Variants in KCNQ3 observed in about 807,000 individuals in gnomAD.
KCNQ3 encodes potassium voltage-gated channel subfamily Q member 3.
In KCNQ3, 30 loss-of-function variants were observed where a neutral mutation model predicts 92.5. The observed-to-expected ratio is 0.32, with a 90% CI of 0.24 to 0.44. KCNQ3 has a LOEUF of 0.44. KCNQ3 is among the 20% of genes least tolerant of loss of function. The pLI is 1.00. For missense variants in KCNQ3, 913 were observed against 1,140.3 expected (o/e 0.80, Z 2.87); for synonymous variants, 450 against 468.8 (o/e 0.96, Z 0.52).
intron 1 of KCNQ3, among the ~76,000 whole-genome samples, chr8:132,342,436 A>G (rs1389380783): frequency 6.6e-6 from 1 of 152,156 alleles, no homozygotes; most frequent in Non-Finnish European, 1.5e-5. Flanking sequence ...TAAGTAAGGT[A>G]AAGGTGGCCA....
intron 1 of KCNQ3, among the ~76,000 whole-genome samples, chr8:132,313,101 C>T (rs1563854354): frequency 6.6e-6 from 1 of 152,182 alleles, no homozygotes; most frequent in African/African-American, 2.4e-5. Context: ...ATCCACGTAA[C>T]CCTGCCTGTT....
intron 1 of KCNQ3, among the ~76,000 whole-genome samples, chr8:132,463,550 AAT>A (rs1822107730): frequency 6.6e-6 from 1 of 152,196 alleles, no homozygotes; most frequent in Non-Finnish European, 1.5e-5. Context: ...TTAGACCTCT[AAT>A]ATGATTGCAA....
In KCNQ3 at chr8:132,122,456, T is replaced by C. The variant is rs1471868778; in HGVS notation, c.*6806A>G. The C allele has an allele frequency of 2.0e-5, 3 of 152,246 alleles. No homozygotes were observed. The highest frequency in any genetic ancestry group is 7.2e-5 in the African/African-American group (3 of 41,460). The allele number at this position is 152,246 out of a possible 1,614,324, so 9.4% of individuals were successfully genotyped here. A position where few individuals can be genotyped will look rare whatever the true frequency, so the allele number is the denominator to read the frequency against. ...CGACAAGTCTAAGAGGAATTACAAA[T>C]ACATTCCTGAGCACTGAGCTGGGCT... On this transcript the variant is annotated 3_prime_UTR_variant, in exon 15 of 15. Transcript: ENST00000388996.
intron 1 of KCNQ3, among the ~76,000 whole-genome samples, chr8:132,453,108 C>T (rs974413663): frequency 3.3e-5 from 5 of 152,094 alleles, no homozygotes; most frequent in Non-Finnish European, 5.9e-5. Context: ...AGCAAAGGCC[C>T]CCAGGGGAGG....
intron 1 of KCNQ3, among the ~76,000 whole-genome samples, chr8:132,302,433 A>T (rs927636264): frequency 1.2e-4 from 19 of 152,158 alleles, no homozygotes; most frequent in African/African-American, 4.3e-4. Context: ...CTCTCAAAAC[A>T]ACACTTTACT....
chr8:132,427,984 G>C (rs980641136), intron 1 of KCNQ3, among the ~76,000 whole-genome samples: 1 of 152,046 alleles, frequency 6.6e-6, no homozygotes, highest in East Asian at 1.9e-4. Context: ...TTATGCCTTC[G>C]CCTGCAGATG....
chr8:132,387,613 T>C (rs1349374597), intron 1 of KCNQ3, among the ~76,000 whole-genome samples: 1 of 152,106 alleles, frequency 6.6e-6, no homozygotes, highest in Non-Finnish European at 1.5e-5. Context: ...CAAAGAAAAG[T>C]GACAATTTGG....
At chr8:132,377,367 A>G (rs1276739039) in intron 1 of KCNQ3, among the ~76,000 whole-genome samples, 1 of 152,228 alleles carries the variant, frequency 6.6e-6, no homozygotes, top group Non-Finnish European at 1.5e-5. Flanking sequence ...CTCTAGGATC[A>G]CATGAGCCAA....
chr8:132,459,143 A>G (rs1199650245), intron 1 of KCNQ3, among the ~76,000 whole-genome samples: 2 of 152,136 alleles, frequency 1.3e-5, no homozygotes, highest in Non-Finnish European at 2.9e-5. Flanking sequence ...CCCATAATTA[A>G]ACGGGGGTTA....
chr8:132,259,893 T>A (rs548721052), intron 1 of KCNQ3, among the ~76,000 whole-genome samples: 19 of 152,212 alleles, frequency 1.2e-4, no homozygotes, highest in Admixed American at 1.2e-3. Context: ...AAGAATATAA[T>A]TACATGTACA....
chr8:132,288,021 C>T (rs1012854396), intron 1 of KCNQ3, among the ~76,000 whole-genome samples: 2 of 152,168 alleles, frequency 1.3e-5, no homozygotes, highest in Non-Finnish European at 2.9e-5. Context: ...GCTCTAGAAA[C>T]CATGATTTTG....
chr8:132,358,879 A>G (rs899330222), intron 1 of KCNQ3, among the ~76,000 whole-genome samples: 3 of 152,232 alleles, frequency 2.0e-5, no homozygotes, highest in African/African-American at 7.2e-5. Context: ...CCTGGCCTAC[A>G]TAAGGGTTCA....
intron 1 of KCNQ3, among the ~76,000 whole-genome samples, chr8:132,394,187 C>G (rs1240118090): frequency 6.6e-6 from 1 of 152,186 alleles, no homozygotes; most frequent in Non-Finnish European, 1.5e-5. Context: ...AAGCACTATG[C>G]AACATATTTC....
intron 1 of KCNQ3, among the ~76,000 whole-genome samples, chr8:132,457,769 T>C (rs1821974950): frequency 6.6e-6 from 1 of 152,200 alleles, no homozygotes. Context: ...TGCCAGCTGC[T>C]GAACAACCAT....
intron 1 of KCNQ3, among the ~76,000 whole-genome samples, chr8:132,248,066 C>T (rs1435549763): frequency 6.6e-6 from 1 of 152,064 alleles, no homozygotes; most frequent in Non-Finnish European, 1.5e-5. Context: ...GGATTCAAAC[C>T]CAGGTGTCTG....
rs964507990 is a variant in KCNQ3, at chr8:132,445,904, C to T, written c.386+34243G>A. On this transcript the variant is annotated intron_variant, in intron 1 of 14. Coordinates refer to ENST00000388996, the MANE Select transcript of KCNQ3 (RefSeq NM_004519.4). ...AGGCTAGAACTCAGCTGTTTCTCTA[C>T]ATCCCTATCTGTCTGCCTATTAAAC... Among the ~76,000 whole-genome samples, 4 of 152,184 alleles carry T rather than the reference C, an allele frequency of 2.6e-5. No individual in the cohort carries two copies. In the South Asian group the frequency reaches 8.3e-4, roughly 32 times the overall value.
chr8:132,460,634 C>T (rs950836007), intron 1 of KCNQ3, among the ~76,000 whole-genome samples: 2 of 152,146 alleles, frequency 1.3e-5, no homozygotes, highest in African/African-American at 4.8e-5. Flanking sequence ...GCACCTTCTC[C>T]CTCCATCACC....
chr8:132,382,428 G>A (rs774649459), intron 1 of KCNQ3, among the ~76,000 whole-genome samples: 6 of 152,034 alleles, frequency 3.9e-5, no homozygotes, highest in Admixed American at 1.3e-4. Context: ...TCCCACTTCC[G>A]CATGAGTAAA....
At chr8:132,336,325 C>T (rs1314513968) in intron 1 of KCNQ3, among the ~76,000 whole-genome samples, 1 of 152,204 alleles carries the variant, frequency 6.6e-6, no homozygotes, top group Non-Finnish European at 1.5e-5. Context: ...CCATCTAACA[C>T]CTTCCAAGTC....
Sources: allele counts gnomAD v4.1 joint callset (sites outside exome capture counted in the v4.1 genomes callset), GRCh38; gene constraint gnomAD v4.1.1; transcripts MANE v1.5; gene names NCBI Gene and HGNC (gene_info 2026-07-23, HGNC 2026-07-21).